Variants in PTPN13 observed in about 807,000 individuals in gnomAD.
PTPN13 encodes tyrosine-protein phosphatase non-receptor type 13.
In PTPN13, 191 loss-of-function variants were observed where a neutral mutation model predicts 284.0. The observed-to-expected ratio is 0.67, with a 90% CI of 0.60 to 0.76. The LOEUF (loss-of-function observed/expected upper bound fraction) is 0.76, where lower values mean the gene tolerates loss of function less well. Ranked by LOEUF, PTPN13 falls within the 30% of genes least tolerant of loss-of-function variation. The probability of loss-of-function intolerance (pLI) is 0.00; values close to 1 mark genes in which losing one functional copy is unlikely to be tolerated. For missense variants in PTPN13, 2,797 were observed against 2,939.9 expected, an observed-to-expected ratio of 0.95 and a Z score of 1.12; for synonymous variants, 986 against 1,022.3, an observed-to-expected ratio of 0.96 and a Z score of 0.68.
chr4:86,627,887 T>C (rs1722018979), intron 1 of PTPN13, among the ~76,000 whole-genome samples: 1 of 152,214 alleles, frequency 6.6e-6, no homozygotes, highest in South Asian at 2.1e-4. Context: ...GTCACATGTA[T>C]CAGTAATAAT....
intron 44 of PTPN13, among the ~76,000 whole-genome samples, chr4:86,806,125 C>G (rs1744624838): frequency 6.6e-6 from 1 of 151,184 alleles, no homozygotes; most frequent in Non-Finnish European, 1.5e-5. Context: ...CCACTGCACT[C>G]CAGCCTGGGC....
intron 2 of PTPN13, among the ~76,000 whole-genome samples, chr4:86,642,940 A>G (rs1723985019): frequency 6.6e-6 from 1 of 152,202 alleles, no homozygotes; most frequent in African/African-American, 2.4e-5. Context: ...GCTACCTTGG[A>G]AAACTTAGCT....
At chr4:86,779,068 A>C (rs1405152506) in intron 35 of PTPN13, among the ~76,000 whole-genome samples, 3 of 151,886 alleles carry the variant, frequency 2.0e-5, no homozygotes. Context: ...TTCTTTAAAA[A>C]AAAAAAAAAA....
intron 24 of PTPN13, among the ~76,000 whole-genome samples, chr4:86,763,826 G>C (rs981795166): frequency 6.6e-6 from 1 of 152,038 alleles, no homozygotes; most frequent in Non-Finnish European, 1.5e-5. Context: ...TGGGAGGATC[G>C]CTTAAGCCCA....
chr4:86,748,036 T>C (rs914079196), intron 17 of PTPN13, among the ~76,000 whole-genome samples: 1 of 152,222 alleles, frequency 6.6e-6, no homozygotes, highest in Non-Finnish European at 1.5e-5. Context: ...ACTTTCTGTT[T>C]GATGAGTTTC....
chr4:86,616,679 C>T (rs1720583601), intron 1 of PTPN13, among the ~76,000 whole-genome samples: 1 of 152,224 alleles, frequency 6.6e-6, no homozygotes, highest in Admixed American at 6.5e-5. Context: ...TCTTTCTCTC[C>T]CTTGCTCCTG....
chr4:86,686,762 T>C lies in PTPN13; in HGVS notation c.347T>C (p.Val116Ala), dbSNP rs375364576. Residue 116 changes from valine to alanine, a missense_variant, in exon 4 of 48, where the codon GTG (valine) becomes GCG (alanine). Val to Ala is a moderately conservative substitution (Grantham distance 64). Transcript: ENST00000411767. ...CTGTATTGGGGGGCTGATTATGAAG[T>C]GCCTCAGAGCCAAGTAAGTTAAGTT... ...MTLYWGADYE[V>A]PQSQPIKLGD... 1.1e-5 allele frequency: 17 copies of C among 1,579,866 alleles called. No individual in the cohort carries two copies. Among genetic ancestry groups the C allele is most frequent in the African/African-American group, 4.1e-5 (3 of 74,064 alleles).
intron 2 of PTPN13, among the ~76,000 whole-genome samples, chr4:86,645,993 A>G (rs1724380159): frequency 6.6e-6 from 1 of 152,186 alleles, no homozygotes; most frequent in South Asian, 2.1e-4. Flanking sequence ...CAGCATCCAG[A>G]AATAAATCCA....
intron 2 of PTPN13, among the ~76,000 whole-genome samples, chr4:86,671,932 T>C (rs1196225692): frequency 6.6e-6 from 1 of 152,222 alleles, no homozygotes; most frequent in Non-Finnish European, 1.5e-5. Context: ...TACAGAGCTT[T>C]ATATTTATGG....
chr4:86,814,311 C>G, intron 47 of PTPN13, 145 bp from the exon 48 acceptor site: 1 of 535,362 alleles, frequency 1.9e-6, no homozygotes, highest in Non-Finnish European at 3.3e-6. Flanking sequence ...AGCCTACACC[C>G]TGTTTCTTGC....
intron 2 of PTPN13, among the ~76,000 whole-genome samples, chr4:86,648,156 CTG>C (rs758454963): frequency 3.3e-5 from 5 of 152,010 alleles, no homozygotes; most frequent in South Asian, 2.1e-4. Context: ...AAAGCGTACT[CTG>C]TGTAATGGTC....
At chr4:86,704,718 C>G (rs893766198) in intron 7 of PTPN13, among the ~76,000 whole-genome samples, 1 of 152,112 alleles carries the variant, frequency 6.6e-6, no homozygotes, top group Non-Finnish European at 1.5e-5. Context: ...CGATATAGGA[C>G]AATCTTGAAA....
chr4:86,718,778 T>C (rs1349901546), intron 9 of PTPN13, among the ~76,000 whole-genome samples: 1 of 152,144 alleles, frequency 6.6e-6, no homozygotes, highest in Non-Finnish European at 1.5e-5. Flanking sequence ...TTAAAGTTGT[T>C]TCTTTTGTTT....
intron 1 of PTPN13, among the ~76,000 whole-genome samples, chr4:86,612,036 C>T (rs934915096): frequency 2.6e-5 from 4 of 152,150 alleles, no homozygotes; most frequent in African/African-American, 7.2e-5. Flanking sequence ...AAGAATCTTA[C>T]GCAGTAGTGA....
chr4:86,765,322 C>T (rs1439276477), intron 25 of PTPN13, 73 bp from the exon 26 acceptor site: 8 of 1,131,432 alleles, frequency 7.1e-6, no homozygotes, highest in African/African-American at 1.5e-5. Flanking sequence ...TGAATCCTTT[C>T]TAGGCCTGAG....
At position 86,811,071 on chromosome 4, in the gene PTPN13, G is replaced by A. The variant is rs1285297134; in HGVS notation, c.7325G>A (p.Cys2442Tyr). 6.2e-7 allele frequency: 1 copy of A among 1,613,600 alleles called. No homozygotes were observed. The highest frequency in any genetic ancestry group is 2.2e-5 in the East Asian group (1 of 44,850). ...LDFDISDLVR[C>Y]MRLQRHGMVQ... ...TTTGACATCTCTGATTTGGTGCGCTGCATGAGACTACAAAGACACGGAATG... is the reference window on the plus strand; with the variant it reads ...TTTGACATCTCTGATTTGGTGCGCTACATGAGACTACAAAGACACGGAATG... The change falls in exon 47 of 48, where the codon TGC (cysteine) becomes TAC (tyrosine). Residue 2442 changes from cysteine to tyrosine, a missense_variant. Cys to Tyr is a radical substitution (Grantham distance 194, BLOSUM62 -2). Transcript: ENST00000411767.
At chr4:86,642,449 C>CTTTTTTTTTTTTTTTTT (rs1241682151) in intron 2 of PTPN13, among the ~76,000 whole-genome samples, 1 of 27,454 alleles carries the variant, frequency 3.6e-5, no homozygotes, top group African/African-American at 1.3e-4. Flanking sequence ...TCTTCTTCTT[C>CTTTTTTTTTTTTTTTTT]TTTTTTTTTT....
intron 6 of PTPN13, among the ~76,000 whole-genome samples, chr4:86,695,053 T>C (rs2148983374): frequency 6.6e-6 from 1 of 152,246 alleles, no homozygotes; most frequent in Middle Eastern, 3.4e-3. Flanking sequence ...GAGGAAGGAA[T>C]GTGTAAGTTA....
Position 86,759,071 on chromosome 4 carries a change from A to G in PTPN13, c.3551A>G (p.Lys1184Arg). ...TCTCAGCCAAAAGAAAAGATATCCA[A>G]AGGTAATGTGAATGTCTCTTACTTA... ...VISQPKEKIS[K>R]VPSTPVHLTN... Residue 1184 changes from lysine to arginine, a missense_variant and splice_region_variant, in exon 23 of 48, where the codon AAA (lysine) becomes AGA (arginine). Coordinates refer to ENST00000411767, the MANE Select transcript of PTPN13 (RefSeq NM_080683.3). The G allele has an allele frequency of 6.2e-7, 1 of 1,612,476 alleles. No individual in the cohort carries two copies. The highest frequency in any genetic ancestry group is 8.5e-7 in the Non-Finnish European group (1 of 1,179,240).
Sources: gnomAD v4.1 joint callset for allele counts (sites outside exome capture counted in the v4.1 genomes callset) on GRCh38, gnomAD v4.1.1 for gene constraint, MANE v1.5 for transcripts, NCBI Gene and HGNC (gene_info 2026-07-23, HGNC 2026-07-21) for gene names.